EPS8L1: variants seen among roughly 807,000 people sequenced by gnomAD.
EPS8L1 encodes the protein epidermal growth factor receptor kinase substrate 8-like protein 1.
In EPS8L1, 101 loss-of-function variants were observed where a neutral mutation model predicts 91.7. The observed-to-expected ratio is 1.10, with a 90% CI of 0.94 to 1.30. The LOEUF (loss-of-function observed/expected upper bound fraction) is 1.30, where lower values mean the gene tolerates loss of function less well. Ranked by LOEUF, EPS8L1 falls within the 50% of genes most tolerant of loss-of-function variation. The pLI, the probability that EPS8L1 is intolerant of heterozygous loss-of-function variation, is 0.00. For synonymous variants in EPS8L1, 506 were observed against 445.3 expected (o/e 1.14, Z -1.72); for missense variants, 1,114 against 1,017.0 (o/e 1.10, Z -1.30).
intron 2 of EPS8L1, among the ~76,000 whole-genome samples, chr19:55,077,096 C>A (rs1032721578): frequency 2.6e-5 from 4 of 152,136 alleles, no homozygotes; most frequent in African/African-American, 9.7e-5. Flanking sequence ...CCTGACGCCA[C>A]CTGATCGCTG....
rs200396239 is a variant in EPS8L1 at position 55,081,402 on chromosome 19, G to A, written c.684G>A (p.Pro228=). 2.2e-5 allele frequency: 35 copies of A among 1,591,344 alleles called. 1 individual carries two copies. The highest frequency in any genetic ancestry group is 2.1e-4 in the Middle Eastern group (1 of 4,692). The part of the protein sequence containing the change: ...PEAEEAQRPE[P]VGTSSNADSA... ...CAGAGGAGGCGCAGAGGCCTGAGCC[G>A]GTGGGGACCTCGAGCAACGCTGACT... Residue 228 remains proline, a synonymous_variant, in exon 8 of 20, where the codon CCG becomes CCA. Coordinates refer to ENST00000201647, the MANE Select transcript of EPS8L1 (RefSeq NM_133180.3). This position sits in a 1 kb window ranked among gnomAD's most constrained non-coding sequence, Gnocchi z 4.9.
rs2076315864 is a variant in EPS8L1 at position 55,083,528 on chromosome 19, A to C, written c.1356+9A>C. On this transcript the variant is annotated intron_variant, in intron 13 of 19. Transcript: ENST00000201647. The surrounding 1 kb of genome is among the most constrained non-coding windows in gnomAD (Gnocchi z 4.7). ...AGCGGAGGCGCCGGCAGGTGACCCA[A>C]GCGACACAGCAGGGCCGAGGCTGGG... 1.2e-6 allele frequency: 2 copies of C among 1,608,038 alleles called. No homozygotes were observed. The highest frequency in any genetic ancestry group is 4.5e-5 in the East Asian group (2 of 44,710).
At position 55,081,432 on chromosome 19, in the gene EPS8L1, C is replaced by G. The variant is rs146217963; in HGVS notation, c.714C>G (p.Ala238=). The part of the protein sequence containing the change: ...PVGTSSNADS[A]SPDLGPRGPD... ...GGACCTCGAGCAACGCTGACTCGGCCTCCCCGGACCTGGGTCCCCGGGGTC... is the reference window on the plus strand; with the variant it reads ...GGACCTCGAGCAACGCTGACTCGGCGTCCCCGGACCTGGGTCCCCGGGGTC... Residue 238 remains alanine (A), a synonymous_variant, in exon 8 of 20, where the codon GCC becomes GCG. Coordinates refer to ENST00000201647, the MANE Select transcript of EPS8L1 (RefSeq NM_133180.3). This position sits in a 1 kb window ranked among gnomAD's most constrained non-coding sequence, Gnocchi z 4.9. The G allele has an allele frequency of 3.7e-6, 6 of 1,601,478 alleles. No homozygotes were observed. The African/African-American group carries it at 8.0e-5, about 21-fold the overall frequency.
At position 55,083,423 on chromosome 19, in the gene EPS8L1, C is replaced by T. The variant is rs1043835042; in HGVS notation, c.1260C>T (p.Phe420=). The T allele has an allele frequency of 6.8e-6, 11 of 1,612,942 alleles. No homozygotes were observed. Among genetic ancestry groups the T allele is most frequent in the Admixed American group, 1.7e-5 (1 of 60,028 alleles). Residue 420 remains phenylalanine (F), a synonymous_variant, in exon 13 of 20, where the codon TTC becomes TTT. Coordinates refer to ENST00000201647, the MANE Select transcript of EPS8L1 (RefSeq NM_133180.3). This position sits in a 1 kb window ranked among gnomAD's most constrained non-coding sequence, Gnocchi z 4.7. ...AGGGACCCCCATACAGACCCGAGTT[C>T]TTCAGCGGCTGGGAGCCGCCGGTCA... ...PEEGPPYRPE[F]FSGWEPPVTD...
intron 15 of EPS8L1, 21 bp from the exon 16 acceptor site, chr19:55,086,038 CCT>C: frequency 6.3e-7 from 1 of 1,597,360 alleles, no homozygotes; most frequent in Admixed American, 1.7e-5. Flanking sequence ...GGCTCTGAAC[CCT>C]CTGTTCTTTA....
Position 55,082,262 on chromosome 19 carries a change from C to A in EPS8L1, c.991-13C>A. ...CCGCACCCACGCCAACCACCTCCCTCCCCACGCCCCAGGCCCGGCTGCGCG... is the reference window on the plus strand; with the variant it reads ...CCGCACCCACGCCAACCACCTCCCTACCCACGCCCCAGGCCCGGCTGCGCG... On this transcript the variant is annotated splice_polypyrimidine_tract_variant and intron_variant, in intron 10 of 19. Transcript: ENST00000201647. 1.2e-6 allele frequency: 2 copies of A among 1,609,906 alleles called. No homozygotes were observed. Among genetic ancestry groups the A allele is most frequent in the Non-Finnish European group, 1.7e-6 (2 of 1,178,514 alleles).
At chr19:55,077,584 CTTTTTTTTTTT>C (rs35750835) in intron 2 of EPS8L1, among the ~76,000 whole-genome samples, 2 of 76,878 alleles carry the variant, frequency 2.6e-5, no homozygotes, top group Non-Finnish European at 2.4e-5. Context: ...CCTGACCTGT[CTTTTTTTTTTT>C]TTTTTTTTTT....
intron 17 of EPS8L1, 80 bp from the exon 18 acceptor site, chr19:55,086,634 C>CA (rs2076355146): frequency 1.5e-6 from 2 of 1,374,790 alleles, no homozygotes; most frequent in Non-Finnish European, 2.0e-6. Flanking sequence ...GACGCTGGAG[C>CA]GCCCCCCCGC....
chr19:55,086,634 C>CGGCCCCCCCCCCCCCCCCCCG, intron 17 of EPS8L1, 80 bp from the exon 18 acceptor site: 1 of 1,374,854 alleles, frequency 7.3e-7, no homozygotes, highest in Non-Finnish European at 9.8e-7. Flanking sequence ...GACGCTGGAG[C>CGGCCCCCCCCCCCCCCCCCCG]GCCCCCCCGC....
At position 55,083,392 on chromosome 19, in the gene EPS8L1, C is replaced by T. The variant is rs750369259; in HGVS notation, c.1229C>T (p.Pro410Leu). The change falls in exon 13 of 20, where the codon CCG becomes CTG. Residue 410 changes from proline to leucine, a missense_variant. Physicochemically the swap from Pro to Leu is moderately conservative, Grantham distance 98. Transcript: ENST00000201647. The surrounding 1 kb of genome is among the most constrained non-coding windows in gnomAD (Gnocchi z 4.7). ...SWTRPGLELSPEEGPPYRPEF... is the reference protein window; with the variant it reads ...SWTRPGLELSLEEGPPYRPEF... ...CCTGGCCGCAGGCTGGAGCTGTCCC[C>T]GGAGGAGGGACCCCCATACAGACCC... The T allele has an allele frequency of 9.3e-6, 15 of 1,613,070 alleles. No individual in the cohort carries two copies. Among genetic ancestry groups the T allele is most frequent in the Non-Finnish European group, 1.3e-5 (15 of 1,179,924 alleles).
At position 55,081,107 on chromosome 19, in the gene EPS8L1, C is replaced by A; in HGVS notation, c.513-124C>A. 8.1e-7 allele frequency: 1 copy of A among 1,232,522 alleles called. No homozygotes were observed. Among genetic ancestry groups the A allele is most frequent in the Non-Finnish European group, 1.1e-6 (1 of 917,276 alleles). The allele number at this position is 1,232,522 out of a possible 1,614,324, so 76.3% of individuals were successfully genotyped here. A position where few individuals can be genotyped will look rare whatever the true frequency, so the allele number is the denominator to read the frequency against. The stretch of plus-strand genomic sequence containing the variant: ...CTCCGTATATCGGATTTCTCCCTAC[C>A]TCGTTGAACTTGTTCACTCCCTTTG... On this transcript the variant is annotated intron_variant, in intron 7 of 19. Transcript: ENST00000201647. This position sits in a 1 kb window ranked among gnomAD's most constrained non-coding sequence, Gnocchi z 4.9.
Position 55,081,117 on chromosome 19 carries a change from T to G in EPS8L1, c.513-114T>G. The G allele has an allele frequency of 3.8e-6, 5 of 1,309,096 alleles. No homozygotes were observed. The highest frequency in any genetic ancestry group is 5.1e-6 in the Non-Finnish European group (5 of 986,668). The allele number at this position is 1,309,096 out of a possible 1,614,324, so 81.1% of individuals were successfully genotyped here. Reference sequence around the variant, plus strand: ...CGGATTTCTCCCTACCTCGTTGAACTTGTTCACTCCCTTTGAGCCTTTTGA... The same window carrying G: ...CGGATTTCTCCCTACCTCGTTGAACGTGTTCACTCCCTTTGAGCCTTTTGA... On this transcript the variant is annotated intron_variant, in intron 7 of 19. Coordinates refer to ENST00000201647, the MANE Select transcript of EPS8L1 (RefSeq NM_133180.3). The surrounding 1 kb of genome is among the most constrained non-coding windows in gnomAD (Gnocchi z 4.9).
At chr19:55,084,817 G>C (rs997329544) in intron 14 of EPS8L1, among the ~76,000 whole-genome samples, 4 of 152,168 alleles carry the variant, frequency 2.6e-5, no homozygotes, top group Admixed American at 2.6e-4. Context: ...ATCCGTTCCC[G>C]GAACAGTGAG....
chr19:55,081,103 C>A lies in EPS8L1; in HGVS notation c.513-128C>A. The stretch of plus-strand genomic sequence containing the variant: ...ATCCCTCCGTATATCGGATTTCTCC[C>A]TACCTCGTTGAACTTGTTCACTCCC... On this transcript the variant is annotated intron_variant, in intron 7 of 19. Transcript: ENST00000201647. This position sits in a 1 kb window ranked among gnomAD's most constrained non-coding sequence, Gnocchi z 4.9. The A allele has an allele frequency of 8.3e-7, 1 of 1,208,950 alleles. No homozygotes were observed. The highest frequency in any genetic ancestry group is 1.1e-6 in the Non-Finnish European group (1 of 895,532). 74.9% of individuals were successfully genotyped at this position (1,208,950 alleles called of 1,614,324 possible).
In EPS8L1 at chr19:55,087,687, C is replaced by CG; in HGVS notation, c.*75dup. 1.3e-6 allele frequency: 2 copies of CG among 1,496,556 alleles called. No homozygotes were observed. The highest frequency in any genetic ancestry group is 1.8e-6 in the Non-Finnish European group (2 of 1,084,860). 92.7% of individuals were successfully genotyped at this position (1,496,556 alleles called of 1,614,324 possible). On this transcript the variant is annotated 3_prime_UTR_variant, in exon 20 of 20. Transcript: ENST00000201647. ...GGACTCCTCAGACTCTCCCCAATAG[C>CG]GGAAGTCGATCTTCTGAAGGATGGC... is the stretch of plus-strand genomic sequence containing the variant.
At position 55,079,823 on chromosome 19, in the gene EPS8L1, A is replaced by G. The variant is rs2076215496; in HGVS notation, c.251A>G (p.His84Arg). 3 of 1,613,582 alleles carry G rather than the reference A, an allele frequency of 1.9e-6. No individual in the cohort carries two copies. Among genetic ancestry groups the G allele is most frequent in the African/African-American group, 1.3e-5 (1 of 74,896 alleles). ...ATGCTGCTGCGAGTGTCTCCCGACC[A>G]TGTCACGCTGCTCGACCCGGCCTCC... ...QEMLLRVSPD[H>R]VTLLDPASKE... is the part of the protein sequence containing the mutation. The change falls in exon 5 of 20, where the codon CAT becomes CGT. Residue 84 changes from histidine (H) to arginine (R), a missense_variant. Physicochemically the swap from His to Arg is conservative, Grantham distance 29 (BLOSUM62 0). Transcript: ENST00000201647.
At chr19:55,086,635 G>GCGGC in intron 17 of EPS8L1, 79 bp from the exon 18 acceptor site, 3 of 1,307,702 alleles carry the variant, frequency 2.3e-6, no homozygotes, top group Non-Finnish European at 3.2e-6. Flanking sequence ...ACGCTGGAGC[G>GCGGC]CCCCCCCGCC....
Position 55,086,077 on chromosome 19 carries a change from G to A in EPS8L1, c.1535G>A (p.Arg512His), listed in dbSNP as rs370885910. ...CACACCCAGGTCCTGGATGACAGTC[G>A]TAAGTGGTGGAAGGTTCGGGACCCA... ...RDVLEVLDDS[R>H]KWWKVRDPAG... is the part of the protein sequence containing the mutation. Residue 512 changes from arginine to histidine, a missense_variant, in exon 16 of 20, where the codon CGT becomes CAT. Physicochemically the swap from Arg to His is conservative, Grantham distance 29. Coordinates refer to ENST00000201647, the MANE Select transcript of EPS8L1 (RefSeq NM_133180.3). 6.3e-6 allele frequency: 10 copies of A among 1,597,282 alleles called. No homozygotes were observed. In the African/African-American group the frequency reaches 8.0e-5, roughly 13 times the overall value.
chr19:55,076,460 G>A lies in EPS8L1; in HGVS notation c.16G>A (p.Gly6Ser), dbSNP rs1473910277. MSTATGPEAAPKPSAK... is the reference protein window; with the variant it reads MSTATSPEAAPKPSAK... ...ACTCAGCACCATGAGCACCGCCACA[G>A]GGTAAGCGCCCCCGGACCCCAGGTC... The change falls in exon 2 of 20, where the codon GGC becomes AGC. Residue 6 changes from glycine (G) to serine (S), a missense_variant and splice_region_variant. Coordinates refer to ENST00000201647, the MANE Select transcript of EPS8L1 (RefSeq NM_133180.3). 1.9e-6 allele frequency: 3 copies of A among 1,612,252 alleles called. No individual in the cohort carries two copies. The highest frequency in any genetic ancestry group is 1.7e-5 in the Admixed American group (1 of 59,936).
Sources: allele counts gnomAD v4.1 joint callset (sites outside exome capture counted in the v4.1 genomes callset), GRCh38; gene constraint gnomAD v4.1.1; non-coding constraint Gnocchi (gnomAD v3.1); transcripts MANE v1.5; gene names NCBI Gene and HGNC (gene_info 2026-07-23, HGNC 2026-07-21).